ELAVL2: variants seen among roughly 807,000 people sequenced by gnomAD.
ELAVL2 encodes the protein ELAV like RNA binding protein 2, also known as ELAV-like protein 2.
In ELAVL2, 4 loss-of-function variants were observed where a neutral mutation model predicts 34.6. The ratio of observed to expected loss-of-function variants is 0.12; its 90% CI spans 0.06 to 0.26. The LOEUF (loss-of-function observed/expected upper bound fraction) is 0.26. Ranked by LOEUF, ELAVL2 falls within the 10% of genes least tolerant of loss-of-function variation. ELAVL2 has a pLI of 1.00. For synonymous variants in ELAVL2, 193 were observed against 154.8 expected (o/e 1.25, Z -1.83); for missense variants, 432 against 442.8 (o/e 0.98, Z 0.22).
chr9:23,733,985 C>T (rs930755441), intron 2 of ELAVL2, among the ~76,000 whole-genome samples: 4 of 152,054 alleles, frequency 2.6e-5, no homozygotes, highest in African/African-American at 9.7e-5. Flanking sequence ...GACTTTGCCT[C>T]CTTATAAAAA....
intron 1 of ELAVL2, among the ~76,000 whole-genome samples, chr9:23,768,846 A>C (rs1264829493): frequency 3.9e-5 from 6 of 152,174 alleles, no homozygotes; most frequent in Admixed American, 3.9e-4. Flanking sequence ...ATCTTGAAGA[A>C]GGCATTTAGA....
intron 1 of ELAVL2, among the ~76,000 whole-genome samples, chr9:23,775,203 T>C (rs1338761535): frequency 6.6e-6 from 1 of 152,182 alleles, no homozygotes; most frequent in Non-Finnish European, 1.5e-5. Flanking sequence ...CTAGCAATTA[T>C]TGATTCCTCT....
intron 2 of ELAVL2, among the ~76,000 whole-genome samples, chr9:23,761,179 C>T (rs921265979): frequency 1.3e-5 from 2 of 152,138 alleles, no homozygotes; most frequent in Admixed American, 6.6e-5. Context: ...ATTTGGTATA[C>T]ACTATCAATC....
intron 2 of ELAVL2, among the ~76,000 whole-genome samples, chr9:23,733,435 A>G (rs2047089900): frequency 6.6e-6 from 1 of 152,156 alleles, no homozygotes. Flanking sequence ...TACAACCACC[A>G]TGTTGAGAAA....
upstream of ELAVL2, among the ~76,000 whole-genome samples, chr9:23,827,913 T>G (rs1445820106): frequency 6.6e-6 from 1 of 152,172 alleles, no homozygotes; most frequent in Non-Finnish European, 1.5e-5. Flanking sequence ...AAAGAAGGCC[T>G]GAATCTATGT....
At chr9:23,816,158 G>A (rs1436624672) in intron 1 of ELAVL2, among the ~76,000 whole-genome samples, 1 of 151,706 alleles carries the variant, frequency 6.6e-6, no homozygotes, top group Non-Finnish European at 1.5e-5. Flanking sequence ...TTCTTCAAAT[G>A]CTTAAAGAGA....
chr9:23,755,584 T>C (rs577342907), intron 2 of ELAVL2, among the ~76,000 whole-genome samples: 30 of 152,144 alleles, frequency 2.0e-4, no homozygotes, highest in Non-Finnish European at 3.4e-4. Flanking sequence ...GTTCCAAAAA[T>C]AGAGGTTCCA....
chr9:23,789,005 A>ACTGC (rs1426990504), intron 1 of ELAVL2, among the ~76,000 whole-genome samples: 1 of 152,218 alleles, frequency 6.6e-6, no homozygotes, highest in African/African-American at 2.4e-5. Flanking sequence ...AGGAGGAACT[A>ACTGC]CTGCCATCCA....
chr9:23,776,260 C>G (rs1014206459), intron 1 of ELAVL2, among the ~76,000 whole-genome samples: 2 of 152,272 alleles, frequency 1.3e-5, no homozygotes, highest in African/African-American at 4.8e-5. Context: ...ATATTGTAAG[C>G]TCAAACTTCA....
chr9:23,778,823 C>T (rs1441926619), intron 1 of ELAVL2, among the ~76,000 whole-genome samples: 1 of 152,158 alleles, frequency 6.6e-6, no homozygotes, highest in Non-Finnish European at 1.5e-5. Flanking sequence ...TGTCACTAAA[C>T]ATCCTAATAT....
rs80058503 is a variant in ELAVL2, at chr9:23,750,827, C to A, written c.229+11179G>T. Among the ~76,000 whole-genome samples, 1,383 of 152,230 alleles carry A rather than the reference C, an allele frequency of 9.1e-3. 17 individuals carry two copies. The highest frequency in any genetic ancestry group is 0.031 in the African/African-American group (1,270 of 41,554). ...CCAGGGTTAGGAAAAAGGATTCGTA[C>A]GACAGTACCCTTGGAGGCAACTCCT... is the stretch of plus-strand genomic sequence containing the variant. On this transcript the variant is annotated intron_variant, in intron 2 of 6. Transcript: ENST00000397312.
chr9:23,836,360 T>C, the ELAVL2 span, among the ~76,000 whole-genome samples: 2 of 152,210 alleles, frequency 1.3e-5, no homozygotes, highest in Non-Finnish European at 2.9e-5. Context: ...TACTGTGAAT[T>C]TTTTCCTGTA....
At chr9:23,829,260 G>A (rs1465388515), upstream of ELAVL2, among the ~76,000 whole-genome samples, 1 of 152,130 alleles carries the variant, frequency 6.6e-6, no homozygotes, top group African/African-American at 2.4e-5. Context: ...AAAAAGTCAT[G>A]AATTTAATTA....
intron 1 of ELAVL2, among the ~76,000 whole-genome samples, chr9:23,772,593 T>G (rs544716198): frequency 6.7e-6 from 1 of 149,304 alleles, no homozygotes; most frequent in African/African-American, 2.5e-5. Context: ...ATTTATTTCC[T>G]TAGTAACATT....
intron 1 of ELAVL2, among the ~76,000 whole-genome samples, chr9:23,786,575 A>G (rs1053824238): frequency 2.6e-5 from 4 of 152,124 alleles, no homozygotes; most frequent in African/African-American, 7.2e-5. Flanking sequence ...ATCCCTTTCA[A>G]CTGGTGTTGA....
chr9:23,761,386 A>G (rs951152146), intron 2 of ELAVL2, among the ~76,000 whole-genome samples: 1 of 152,070 alleles, frequency 6.6e-6, no homozygotes, highest in African/African-American at 2.4e-5. Context: ...GTCAAATCTT[A>G]AAAAATACTA....
chr9:23,723,647 T>A (rs965441788), intron 3 of ELAVL2, among the ~76,000 whole-genome samples: 7 of 152,122 alleles, frequency 4.6e-5, no homozygotes, highest in Non-Finnish European at 1.0e-4. Context: ...ATCTTAGAAA[T>A]CAAACTCAAA....
chr9:23,756,347 G>C (rs1401759738), intron 2 of ELAVL2, among the ~76,000 whole-genome samples: 1 of 152,052 alleles, frequency 6.6e-6, no homozygotes, highest in Non-Finnish European at 1.5e-5. Flanking sequence ...ATTTATATTT[G>C]GGTTTTTGTT....
At chr9:23,774,651 AC>A (rs980005844) in intron 1 of ELAVL2, among the ~76,000 whole-genome samples, 1 of 78,724 alleles carries the variant, frequency 1.3e-5, no homozygotes, top group South Asian at 5.5e-4. Flanking sequence ...TGTGACCCCC[AC>A]CCCCCTCCCC....
Sources: allele counts gnomAD v4.1 joint callset (sites outside exome capture counted in the v4.1 genomes callset), GRCh38; gene constraint gnomAD v4.1.1; transcripts MANE v1.5; gene names NCBI Gene and HGNC (gene_info 2026-07-23, HGNC 2026-07-21).